The following PDE7A variants were observed in gnomAD, a reference collection of about 807,000 sequenced individuals.
PDE7A encodes high affinity 3',5'-cyclic-AMP phosphodiesterase 7A.
In PDE7A, 39 loss-of-function variants were observed where a neutral mutation model predicts 64.3. That is an observed-to-expected ratio of 0.61 (90% CI 0.47 to 0.79). PDE7A has a LOEUF of 0.79. Among genes scored for constraint, PDE7A ranks in the 30% least tolerant of loss-of-function variants. The pLI is 0.00. For synonymous variants in PDE7A, 203 were observed against 206.8 expected (o/e 0.98, Z 0.16); for missense variants, 470 against 582.8 (o/e 0.81, Z 1.99).
intron 1 of PDE7A, among the ~76,000 whole-genome samples, chr8:65,829,185 T>C (rs1810752100): frequency 6.6e-6 from 1 of 152,134 alleles, no homozygotes; most frequent in Non-Finnish European, 1.5e-5. Flanking sequence ...GTTATGATAT[T>C]AACTTTTGTT....
intron 3 of PDE7A, among the ~76,000 whole-genome samples, chr8:65,762,596 GATTAA>G (rs1808557291): frequency 1.3e-5 from 2 of 152,124 alleles, no homozygotes; most frequent in Admixed American, 1.3e-4. Context: ...GACTGTTAAA[GATTAA>G]ATGAGATAAT....
At chr8:65,791,840 TA>T (rs1417396007) in intron 1 of PDE7A, among the ~76,000 whole-genome samples, 1 of 152,212 alleles carries the variant, frequency 6.6e-6, no homozygotes, top group Non-Finnish European at 1.5e-5. Context: ...CTTAAAGTAG[TA>T]ATCTCAACTT....
At chr8:65,746,496 A>C (rs1477394711) in intron 4 of PDE7A, among the ~76,000 whole-genome samples, 1 of 152,200 alleles carries the variant, frequency 6.6e-6, no homozygotes, top group African/African-American at 2.4e-5. Flanking sequence ...CTTTTAGGAT[A>C]ATGTGTACTT....
chr8:65,777,863 A>C (rs185441593), intron 3 of PDE7A, among the ~76,000 whole-genome samples: 1 of 152,256 alleles, frequency 6.6e-6, no homozygotes. Flanking sequence ...ATACTCTGGT[A>C]CACTTAGGTG....
intron 11 of PDE7A, 64 bp from the exon 12 acceptor site, chr8:65,723,685 A>G: frequency 8.7e-7 from 1 of 1,145,162 alleles, no homozygotes; most frequent in Non-Finnish European, 1.2e-6. Flanking sequence ...ATATAATTAA[A>G]GGCTTGAACA....
intron 3 of PDE7A, among the ~76,000 whole-genome samples, chr8:65,749,735 C>A (rs926645592): frequency 6.6e-6 from 1 of 152,196 alleles, no homozygotes; most frequent in Non-Finnish European, 1.5e-5. Context: ...CCTAAGGTCA[C>A]ATACCCAATA....
intron 6 of PDE7A, among the ~76,000 whole-genome samples, chr8:65,735,339 C>T (rs1392060662): frequency 1.3e-5 from 2 of 152,124 alleles, no homozygotes; most frequent in African/African-American, 4.8e-5. Context: ...GACAGGATCT[C>T]ACTTCGTTGC....
At position 65,757,615 on chromosome 8, in the gene PDE7A, T is replaced by C. The variant is rs1808297576; in HGVS notation, c.284-9812A>G. 2.0e-5 allele frequency among the ~76,000 whole-genome samples: 3 copies of C among 152,114 alleles called. No individual in the cohort carries two copies. The South Asian group carries it at 6.2e-4, about 32-fold the overall frequency. On this transcript the variant is annotated intron_variant, in intron 3 of 12. Transcript: ENST00000401827. Reference sequence around the variant, plus strand: ...CCAAGACTTTGTTTTTGTTTTGTTTTGTTTTGTTTTGTTTGTTTTTTAAGA... The same window carrying C: ...CCAAGACTTTGTTTTTGTTTTGTTTCGTTTTGTTTTGTTTGTTTTTTAAGA...
Position 65,724,907 on chromosome 8 carries a change from G to T in PDE7A, c.935C>A (p.Thr312Lys). 6.3e-7 allele frequency: 1 copy of T among 1,595,458 alleles called. No homozygotes were observed. The highest frequency in any genetic ancestry group is 8.5e-7 in the Non-Finnish European group (1 of 1,169,858). Residue 312 changes from threonine (T) to lysine (K), a missense_variant, in exon 10 of 13, where the codon ACA becomes AAA. Coordinates refer to ENST00000401827, the MANE Select transcript of PDE7A (RefSeq NM_001242318.3). ...GGCTAGTATCAGAGCACCTATCTGTGTCTCCATTTGTTGCCTGGAAATAGA... is the reference window on the plus strand; with the variant it reads ...GGCTAGTATCAGAGCACCTATCTGTTTCTCCATTTGTTGCCTGGAAATAGA... ...LPLESRQQME[T>K]QIGALILATD...
chr8:65,746,165 C>T (rs556027915), intron 4 of PDE7A, among the ~76,000 whole-genome samples: 72 of 151,208 alleles, frequency 4.8e-4, no homozygotes, highest in African/African-American at 1.7e-3. Flanking sequence ...AACTCCTGGA[C>T]TCAAGTGATT....
intron 1 of PDE7A, among the ~76,000 whole-genome samples, chr8:65,821,130 C>A (rs922254806): frequency 1.3e-5 from 2 of 151,876 alleles, no homozygotes; most frequent in Admixed American, 6.6e-5. Flanking sequence ...GTAAGACTAC[C>A]TCCATATAAC....
At chr8:65,755,780 T>C (rs1585878017) in intron 3 of PDE7A, among the ~76,000 whole-genome samples, 1 of 152,338 alleles carries the variant, frequency 6.6e-6, no homozygotes, top group Admixed American at 6.5e-5. Flanking sequence ...AAGAACTCCC[T>C]TTAGCATTTC....
chr8:65,739,216 C>G (rs181844241), intron 6 of PDE7A, among the ~76,000 whole-genome samples: 4 of 152,178 alleles, frequency 2.6e-5, no homozygotes, highest in Admixed American at 6.5e-5. Context: ...TATGTAGAGC[C>G]GAGATGGGTC....
At chr8:65,831,613 G>A (rs1486709715) in intron 1 of PDE7A, among the ~76,000 whole-genome samples, 1 of 151,296 alleles carries the variant, frequency 6.6e-6, no homozygotes, top group Non-Finnish European at 1.5e-5. Flanking sequence ...AATAATCAGA[G>A]CTATGCAGGT....
intron 6 of PDE7A, among the ~76,000 whole-genome samples, chr8:65,735,958 T>C (rs1490988743): frequency 6.6e-6 from 1 of 152,152 alleles, no homozygotes; most frequent in Non-Finnish European, 1.5e-5. Context: ...TTTAGTATAG[T>C]AGTCCCCTCA....
At chr8:65,837,450 A>C (rs975237728) in intron 1 of PDE7A, among the ~76,000 whole-genome samples, 2 of 152,220 alleles carry the variant, frequency 1.3e-5, no homozygotes, top group Non-Finnish European at 1.5e-5. Context: ...ACGTCATGAG[A>C]TACCTTGGAG....
intron 1 of PDE7A, among the ~76,000 whole-genome samples, chr8:65,834,384 A>G (rs974575414): frequency 6.6e-5 from 10 of 152,238 alleles, no homozygotes; most frequent in Admixed American, 6.5e-4. Context: ...GTTATCAGTA[A>G]GGCTTCTCAC....
At chr8:65,802,449 C>T (rs1810013486) in intron 1 of PDE7A, among the ~76,000 whole-genome samples, 1 of 152,186 alleles carries the variant, frequency 6.6e-6, no homozygotes, top group South Asian at 2.1e-4. Flanking sequence ...CAAATATGCT[C>T]TTAAAATTGG....
At chr8:65,759,782 G>A (rs548306059) in intron 3 of PDE7A, among the ~76,000 whole-genome samples, 7 of 152,016 alleles carry the variant, frequency 4.6e-5, no homozygotes, top group Non-Finnish European at 8.8e-5. Flanking sequence ...GCCTAGGTTT[G>A]AGAATGGGGA....
Sources: gnomAD v4.1 joint callset for allele counts (sites outside exome capture counted in the v4.1 genomes callset) on GRCh38, gnomAD v4.1.1 for gene constraint, MANE v1.5 for transcripts, NCBI Gene and HGNC (gene_info 2026-07-23, HGNC 2026-07-21) for gene names.